Variants in EDIL3 observed in about 807,000 individuals in gnomAD.
The protein encoded by EDIL3 is EGF-like repeat and discoidin I-like domain-containing protein 3.
A neutral mutation model predicts 67.4 loss-of-function variants in EDIL3; 37 were observed. The observed-to-expected ratio is 0.55, with a 90% CI of 0.42 to 0.72. The LOEUF is 0.72. Among genes scored for constraint, EDIL3 ranks in the 30% least tolerant of loss-of-function variants. The pLI is 0.00. For synonymous variants in EDIL3, 195 were observed against 196.3 expected, an observed-to-expected ratio of 0.99 and a Z score of 0.05; for missense variants, 527 against 586.3, an observed-to-expected ratio of 0.90 and a Z score of 1.04.
chr5:84,336,093 A>G (rs960877431), intron 1 of EDIL3, among the ~76,000 whole-genome samples: 1 of 152,218 alleles, frequency 6.6e-6, no homozygotes, highest in African/African-American at 2.4e-5. Context: ...TTAAATTTCA[A>G]TGCATGAATT....
chr5:84,265,675 C>CA (rs1450108671), intron 1 of EDIL3, among the ~76,000 whole-genome samples: 3 of 152,144 alleles, frequency 2.0e-5, no homozygotes, highest in Non-Finnish European at 4.4e-5. Context: ...TCTTAGGGAG[C>CA]AAAAACACAA....
chr5:84,124,956 T>G (rs1021521279), intron 5 of EDIL3, among the ~76,000 whole-genome samples: 1 of 152,156 alleles, frequency 6.6e-6, no homozygotes, highest in South Asian at 2.1e-4. Context: ...GTTAACCTTT[T>G]CATGCACAAT....
At chr5:84,259,308 T>G (rs1029380922) in intron 1 of EDIL3, among the ~76,000 whole-genome samples, 2 of 152,240 alleles carry the variant, frequency 1.3e-5, no homozygotes, top group East Asian at 3.9e-4. Flanking sequence ...GAGGTTAGGC[T>G]AAGGAAAGGA....
intron 1 of EDIL3, among the ~76,000 whole-genome samples, chr5:84,292,288 A>AT (rs894749286): frequency 6.6e-6 from 1 of 151,978 alleles, no homozygotes; most frequent in Admixed American, 6.6e-5. Flanking sequence ...AACACTGATG[A>AT]TTTTTTTTAA....
intron 4 of EDIL3, among the ~76,000 whole-genome samples, chr5:84,156,330 G>C (rs2112334962): frequency 6.6e-6 from 1 of 152,260 alleles, no homozygotes; most frequent in African/African-American, 2.4e-5. Context: ...CCCCTAGCTA[G>C]CCTGGACCCT....
At chr5:84,031,586 G>A (rs889883199) in intron 9 of EDIL3, among the ~76,000 whole-genome samples, 3 of 152,130 alleles carry the variant, frequency 2.0e-5, no homozygotes, top group African/African-American at 4.8e-5. Flanking sequence ...GAAGAGACAC[G>A]AGAGGTTCCT....
chr5:84,184,932 C>T (rs1483701647), intron 3 of EDIL3, among the ~76,000 whole-genome samples: 2 of 152,114 alleles, frequency 1.3e-5, no homozygotes, highest in Non-Finnish European at 1.5e-5. Flanking sequence ...TTTCCTACTC[C>T]AAGAAATTCA....
intron 6 of EDIL3, among the ~76,000 whole-genome samples, chr5:84,082,524 A>G (rs1746988337): frequency 1.3e-5 from 2 of 152,356 alleles, no homozygotes; most frequent in Non-Finnish European, 2.9e-5. Context: ...CCTTTGGAAC[A>G]CATACACAAT....
chr5:84,277,715 T>C (rs563765745), intron 1 of EDIL3, among the ~76,000 whole-genome samples: 61 of 152,324 alleles, frequency 4.0e-4, no homozygotes, highest in Non-Finnish European at 7.9e-4. Context: ...ACATATATTT[T>C]AAATTTATAT....
At chr5:83,975,240 C>T (rs912573749) in intron 9 of EDIL3, among the ~76,000 whole-genome samples, 2 of 151,982 alleles carry the variant, frequency 1.3e-5, no homozygotes, top group African/African-American at 4.8e-5. Flanking sequence ...ATATGCCTCT[C>T]TCAGAAATTA....
Position 83,948,600 on chromosome 5 carries a change from T to G in EDIL3, c.1294-5032A>C, listed in dbSNP as rs147629951. ...TGCAAGCATTCCAAAAATCAAATTTTTTTTATTAAAAAGGAAAAAAATATC... is the reference window on the plus strand; with the variant it reads ...TGCAAGCATTCCAAAAATCAAATTTGTTTTATTAAAAAGGAAAAAAATATC... On this transcript the variant is annotated intron_variant, in intron 10 of 10. Transcript: ENST00000296591. Among the ~76,000 whole-genome samples, 525 of 151,842 alleles carry G rather than the reference T, an allele frequency of 3.5e-3. 5 individuals are homozygous for G. Among genetic ancestry groups the G allele is most frequent in the African/African-American group, 0.011 (460 of 41,530 alleles).
rs975182747 is a variant in EDIL3, at chr5:84,088,631, T to C, written c.651+18018A>G. 2.0e-5 allele frequency among the ~76,000 whole-genome samples: 3 copies of C among 152,142 alleles called. No individual in the cohort carries two copies. In the East Asian group the frequency reaches 5.8e-4, roughly 29 times the overall value. ...ATCTGAGAAATGAAAATACAGCCCA[T>C]GTATTATGAATTCAGAGAAATAAAT... On this transcript the variant is annotated intron_variant, in intron 6 of 10. Coordinates refer to ENST00000296591, the MANE Select transcript of EDIL3 (RefSeq NM_005711.5).
chr5:84,208,104 A>G (rs1193261600), intron 3 of EDIL3, among the ~76,000 whole-genome samples: 1 of 152,076 alleles, frequency 6.6e-6, no homozygotes, highest in Non-Finnish European at 1.5e-5. Context: ...ATCAGAGTGA[A>G]CAGGCAACCT....
intron 4 of EDIL3, among the ~76,000 whole-genome samples, chr5:84,142,312 T>C (rs1748213702): frequency 6.6e-6 from 1 of 152,070 alleles, no homozygotes; most frequent in Admixed American, 6.6e-5. Flanking sequence ...TCATTCTTCA[T>C]TACAGATTCC....
At chr5:84,173,621 G>C (rs1190578091) in intron 4 of EDIL3, among the ~76,000 whole-genome samples, 1 of 152,174 alleles carries the variant, frequency 6.6e-6, no homozygotes, top group Non-Finnish European at 1.5e-5. Flanking sequence ...GAACATGCAG[G>C]CAGAGGCTAT....
At chr5:84,143,393 T>G (rs1285786124) in intron 4 of EDIL3, among the ~76,000 whole-genome samples, 1 of 152,084 alleles carries the variant, frequency 6.6e-6, no homozygotes, top group East Asian at 1.9e-4. Context: ...TAACCTTCAC[T>G]TACAAGAACA....
At position 84,283,688 on chromosome 5, in the gene EDIL3, T is replaced by C. The variant is rs538944298; in HGVS notation, c.68-29476A>G. 2.4e-3 allele frequency among the ~76,000 whole-genome samples: 373 copies of C among 152,296 alleles called. 1 individual carries two copies. The highest frequency in any genetic ancestry group is 8.4e-3 in the African/African-American group (348 of 41,576). On this transcript the variant is annotated intron_variant, in intron 1 of 10. Transcript: ENST00000296591. ...TATCACTGGGCACCACAGTGCATTA[T>C]CCCTTCTGGAAAAAAGTAATGTTTT...
intron 1 of EDIL3, among the ~76,000 whole-genome samples, chr5:84,329,100 T>C (rs751658080): frequency 4.8e-4 from 73 of 152,134 alleles, no homozygotes; most frequent in Non-Finnish European, 7.4e-5. Flanking sequence ...AAAGTGTGTA[T>C]CTGCTTTGAG....
At chr5:84,141,930 TA>T (rs1748200724) in intron 4 of EDIL3, among the ~76,000 whole-genome samples, 1 of 125,638 alleles carries the variant, frequency 8.0e-6, no homozygotes, top group African/African-American at 3.1e-5. Flanking sequence ...TATACACATA[TA>T]TATATATATA....
Sources: allele counts gnomAD v4.1 joint callset (sites outside exome capture counted in the v4.1 genomes callset), GRCh38; gene constraint gnomAD v4.1.1; transcripts MANE v1.5; gene names NCBI Gene and HGNC (gene_info 2026-07-23, HGNC 2026-07-21).